Variants in IL1RAPL1 observed in about 807,000 individuals in gnomAD.
The protein encoded by IL1RAPL1 is interleukin 1 receptor accessory protein like 1, also known as interleukin-1 receptor accessory protein-like 1.
A neutral mutation model predicts 48.4 loss-of-function variants in IL1RAPL1; 3 were observed. That is an observed-to-expected ratio of 0.06 (90% CI 0.03 to 0.16). IL1RAPL1 has a LOEUF of 0.16. Ranked by LOEUF, IL1RAPL1 falls within the 10% of genes least tolerant of loss-of-function variation. IL1RAPL1 has a pLI of 1.00. For missense variants in IL1RAPL1, 349 were observed against 530.6 expected (o/e 0.66, Z 3.36); for synonymous variants, 185 against 187.7 (o/e 0.99, Z 0.12).
At chrX:28,955,170 A>G (rs1924571045) in intron 2 of IL1RAPL1, among the ~76,000 whole-genome samples, 1 of 111,704 alleles carries the variant, frequency 9.0e-6, no homozygotes, top group Admixed American at 9.6e-5. Context: ...ATAGACTCCT[A>G]CTAGCCAAAA....
At chrX:28,715,056 A>G (rs1449198045) in intron 1 of IL1RAPL1, among the ~76,000 whole-genome samples, 5 of 112,468 alleles carry the variant, frequency 4.4e-5, no homozygotes, top group African/African-American at 1.6e-4. Context: ...TCTGATAGAT[A>G]GCTACAGAAC....
At chrX:29,505,664 A>G (rs1935320123) in intron 5 of IL1RAPL1, among the ~76,000 whole-genome samples, 1 of 109,569 alleles carries the variant, frequency 9.1e-6, no homozygotes, top group Non-Finnish European at 1.9e-5. Flanking sequence ...TGCTTTTAGG[A>G]TCTGGTATTT....
chrX:28,976,366 GAAGATA>G (rs981113019), intron 2 of IL1RAPL1, among the ~76,000 whole-genome samples: 4 of 111,359 alleles, frequency 3.6e-5, no homozygotes, highest in East Asian at 2.8e-4. Flanking sequence ...AATATATTTT[GAAGATA>G]AAGATAAGAG....
intron 5 of IL1RAPL1, among the ~76,000 whole-genome samples, chrX:29,513,281 T>G: frequency 9.0e-6 from 1 of 111,592 alleles, no homozygotes; most frequent in Non-Finnish European, 1.9e-5. Context: ...TAGAGTGTCT[T>G]TTTGCAAAAT....
At chrX:28,966,720 A>G (rs762907185) in intron 2 of IL1RAPL1, among the ~76,000 whole-genome samples, 1 of 112,224 alleles carries the variant, frequency 8.9e-6, no homozygotes, top group Non-Finnish European at 1.9e-5. Flanking sequence ...ATTTGGTTCT[A>G]ATATCATCAT....
chrX:29,836,289 C>T (rs2147190844), intron 6 of IL1RAPL1, among the ~76,000 whole-genome samples: 1 of 107,109 alleles, frequency 9.3e-6, no homozygotes, highest in East Asian at 3.0e-4. Context: ...CTCCCGGGTT[C>T]AAGCCATTCT....
chrX:28,650,688 C>T (rs1934673179), intron 1 of IL1RAPL1, among the ~76,000 whole-genome samples: 1 of 111,636 alleles, frequency 9.0e-6, no homozygotes, highest in African/African-American at 3.3e-5. Flanking sequence ...CTCTTATTTG[C>T]TCTATGCAAC....
At chrX:29,230,519 A>AAAAAAAAAAAAT (rs1931176817) in intron 2 of IL1RAPL1, among the ~76,000 whole-genome samples, 1 of 95,767 alleles carries the variant, frequency 1.0e-5, no homozygotes, top group Non-Finnish European at 2.1e-5. Flanking sequence ...AAAAAAAAAA[A>AAAAAAAAAAAAT]AAAAAAAAAA....
At chrX:28,674,225 C>A (rs1343260165) in intron 1 of IL1RAPL1, among the ~76,000 whole-genome samples, 1 of 110,133 alleles carries the variant, frequency 9.1e-6, no homozygotes, top group Non-Finnish European at 1.9e-5. Context: ...ACTGTATTTG[C>A]TTTATTATTC....
chrX:29,483,145 A>G (rs1192629137), intron 5 of IL1RAPL1, among the ~76,000 whole-genome samples: 1 of 112,071 alleles, frequency 8.9e-6, no homozygotes, highest in African/African-American at 3.2e-5. Flanking sequence ...AATATAGTGC[A>G]GTTTTCAGAG....
chrX:29,898,104 A>G (rs1932422907), intron 6 of IL1RAPL1, among the ~76,000 whole-genome samples: 1 of 112,059 alleles, frequency 8.9e-6, no homozygotes, highest in Non-Finnish European at 1.9e-5. Context: ...GAATCTTAAG[A>G]GGCTCTCTCC....
At chrX:29,106,410 C>T (rs191742666) in intron 2 of IL1RAPL1, among the ~76,000 whole-genome samples, 9 of 110,617 alleles carry the variant, frequency 8.1e-5, no homozygotes, top group Admixed American at 1.9e-4. Flanking sequence ...CTTTACATCC[C>T]GTTCTACAAG....
At chrX:29,447,880 G>A (rs1005599565) in intron 5 of IL1RAPL1, among the ~76,000 whole-genome samples, 16 of 112,083 alleles carry the variant, frequency 1.4e-4, no homozygotes, top group Non-Finnish European at 1.3e-4. Flanking sequence ...TACCTAGCAT[G>A]TACTTGAACA....
intron 2 of IL1RAPL1, among the ~76,000 whole-genome samples, chrX:29,034,020 CA>C (rs1157629998): frequency 9.0e-6 from 1 of 111,291 alleles, no homozygotes; most frequent in Non-Finnish European, 1.9e-5. Context: ...CCAAATAAAT[CA>C]AATGAGTCTA....
intron 3 of IL1RAPL1, among the ~76,000 whole-genome samples, chrX:29,360,549 C>T (rs368718716): frequency 8.9e-6 from 1 of 112,153 alleles, no homozygotes; most frequent in African/African-American, 3.2e-5. Context: ...ACACATTTCA[C>T]TCTTTTATAT....
intron 2 of IL1RAPL1, among the ~76,000 whole-genome samples, chrX:29,023,537 A>AT (rs993775031): frequency 3.6e-5 from 4 of 112,334 alleles, no homozygotes; most frequent in African/African-American, 1.3e-4. Context: ...ATTCAACTCT[A>AT]TTTTTTCCCT....
intron 6 of IL1RAPL1, among the ~76,000 whole-genome samples, chrX:29,774,356 G>A (rs970938634): frequency 9.0e-6 from 1 of 111,312 alleles, no homozygotes; most frequent in Non-Finnish European, 1.9e-5. Context: ...AGCAGCAAGA[G>A]CATATATAAT....
At chrX:28,633,333 C>A (rs1323741453) in intron 1 of IL1RAPL1, among the ~76,000 whole-genome samples, 5 of 111,490 alleles carry the variant, frequency 4.5e-5, no homozygotes, top group African/African-American at 1.6e-4. Flanking sequence ...AGAACCACTG[C>A]CTTAAAGCTT....
At chrX:28,986,727 C>T (rs1018083649) in intron 2 of IL1RAPL1, among the ~76,000 whole-genome samples, 3 of 112,125 alleles carry the variant, frequency 2.7e-5, no homozygotes, top group Non-Finnish European at 3.8e-5. Context: ...CTCCCCTGCA[C>T]AGAAAAATAT....
Sources: allele counts gnomAD v4.1 joint callset (sites outside exome capture counted in the v4.1 genomes callset), GRCh38; gene constraint gnomAD v4.1.1; transcripts MANE v1.5; gene names NCBI Gene and HGNC (gene_info 2026-07-23, HGNC 2026-07-21).